TMC2: variants seen among roughly 807,000 people sequenced by gnomAD.
TMC2 encodes the protein transmembrane channel-like protein 2.
Under a neutral mutation model 105.9 loss-of-function variants are expected in TMC2, and 102 were observed. That is an observed-to-expected ratio of 0.96 (90% CI 0.82 to 1.14). The LOEUF (loss-of-function observed/expected upper bound fraction) is 1.14. TMC2 is among the 50% of genes most tolerant of loss of function. The pLI is 0.00. For missense variants in TMC2, 1,093 were observed against 1,134.3 expected (o/e 0.96, Z 0.52); for synonymous variants, 402 against 422.8 (o/e 0.95, Z 0.60).
chr20:2,583,750 A>G (rs967014619), intron 7 of TMC2, among the ~76,000 whole-genome samples: 20 of 152,008 alleles, frequency 1.3e-4, no homozygotes, highest in Non-Finnish European at 2.9e-5. Flanking sequence ...ATGAGCCACC[A>G]TGCTCAGCCT....
At position 2,549,203 on chromosome 20, in the gene TMC2, T is replaced by G. The variant is rs2085942245; in HGVS notation, c.83-9253T>G. ...CCCAAGTAGCTAGTACTATCGGCACTTACCACTATCCTGGCTAAATTTTTA... is the reference window on the plus strand; with the variant it reads ...CCCAAGTAGCTAGTACTATCGGCACGTACCACTATCCTGGCTAAATTTTTA... On this transcript the variant is annotated intron_variant, in intron 2 of 19. Coordinates refer to ENST00000358864, the MANE Select transcript of TMC2 (RefSeq NM_080751.3). 2.0e-5 allele frequency among the ~76,000 whole-genome samples: 3 copies of G among 152,194 alleles called. No individual in the cohort carries two copies. The South Asian group carries it at 6.2e-4, about 31-fold the overall frequency.
intron 17 of TMC2, among the ~76,000 whole-genome samples, chr20:2,631,128 ATAAT>A (rs1480784128): frequency 4.8e-5 from 3 of 62,886 alleles, no homozygotes; most frequent in Non-Finnish European, 6.8e-5. Flanking sequence ...CCTGGAGATT[ATAAT>A]TAATATAACA....
At chr20:2,612,684 T>C (rs2086450071) in intron 13 of TMC2, among the ~76,000 whole-genome samples, 1 of 152,170 alleles carries the variant, frequency 6.6e-6, no homozygotes, top group Admixed American at 6.5e-5. Context: ...CCTGTTTTAT[T>C]TTCTCTATAT....
At chr20:2,562,609 T>G (rs1016538274) in intron 4 of TMC2, among the ~76,000 whole-genome samples, 2 of 152,228 alleles carry the variant, frequency 1.3e-5, no homozygotes, top group African/African-American at 4.8e-5. Context: ...TTGGTTTCCA[T>G]GCAAAAGGCT....
At chr20:2,548,177 C>T (rs1014483387) in intron 2 of TMC2, among the ~76,000 whole-genome samples, 9 of 152,236 alleles carry the variant, frequency 5.9e-5, no homozygotes, top group Admixed American at 2.6e-4. Context: ...ACACAACTTT[C>T]GACAAACACA....
intron 2 of TMC2, among the ~76,000 whole-genome samples, chr20:2,545,477 G>T (rs939647757): frequency 3.9e-5 from 6 of 152,180 alleles, no homozygotes; most frequent in African/African-American, 1.4e-4. Flanking sequence ...TAGTTTGTGA[G>T]TAATAGGAGG....
chr20:2,539,119 A>C (rs1328928176), intron 2 of TMC2, among the ~76,000 whole-genome samples: 1 of 152,216 alleles, frequency 6.6e-6, no homozygotes, highest in Non-Finnish European at 1.5e-5. Flanking sequence ...TCTCTGACCG[A>C]GTCAGGTGCT....
At chr20:2,552,643 G>T (rs1260228865) in intron 2 of TMC2, among the ~76,000 whole-genome samples, 1 of 152,080 alleles carries the variant, frequency 6.6e-6, no homozygotes, top group Non-Finnish European at 1.5e-5. Flanking sequence ...AGTCTCTGAC[G>T]TAGCTGGGAA....
At chr20:2,575,614 G>T (rs1428509431) in intron 5 of TMC2, among the ~76,000 whole-genome samples, 1 of 152,094 alleles carries the variant, frequency 6.6e-6, no homozygotes, top group Non-Finnish European at 1.5e-5. Flanking sequence ...TGTACAGCAG[G>T]TCTCTAGACA....
intron 2 of TMC2, among the ~76,000 whole-genome samples, chr20:2,556,765 A>G (rs750365210): frequency 5.3e-5 from 8 of 152,186 alleles, no homozygotes; most frequent in Non-Finnish European, 1.5e-5. Context: ...CTTTTTTTGC[A>G]AGGCAGGTCT....
At chr20:2,603,142 A>C (rs1019177350) in intron 11 of TMC2, among the ~76,000 whole-genome samples, 4 of 152,130 alleles carry the variant, frequency 2.6e-5, no homozygotes, top group Admixed American at 6.6e-5. Flanking sequence ...GCCAATAGCC[A>C]GTAAACCACC....
intron 2 of TMC2, among the ~76,000 whole-genome samples, chr20:2,554,601 T>C (rs527889483): frequency 6.6e-6 from 1 of 152,370 alleles, no homozygotes; most frequent in African/African-American, 2.4e-5. Context: ...TAAGCACTGC[T>C]TTTGCTGCAT....
chr20:2,570,056 C>T (rs1245864361), intron 4 of TMC2, among the ~76,000 whole-genome samples: 1 of 152,096 alleles, frequency 6.6e-6, no homozygotes, highest in African/African-American at 2.4e-5. Flanking sequence ...GGAAGAATTT[C>T]CCTTAAGAAC....
At chr20:2,634,872 C>T (rs553134652) in intron 17 of TMC2, among the ~76,000 whole-genome samples, 7 of 152,270 alleles carry the variant, frequency 4.6e-5, no homozygotes, top group Admixed American at 3.9e-4. Flanking sequence ...CTTCAGAAGG[C>T]TCACTTGACA....
At chr20:2,601,005 A>G (rs866417488) in intron 10 of TMC2, among the ~76,000 whole-genome samples, 127 of 140,078 alleles carry the variant, frequency 9.1e-4, no homozygotes, top group Middle Eastern at 3.5e-3. Flanking sequence ...AAAAAAAAAA[A>G]GAAAAAAAAG....
chr20:2,597,303 TC>T lies in TMC2; in HGVS notation c.1224+6del, dbSNP rs1345293675. Reference sequence around the variant, plus strand: ...TCCATCACCACCAGCTTCAAGGTAGTCACCCCAGGGCAGTTCCCACTTCCGG... The same window carrying T: ...TCCATCACCACCAGCTTCAAGGTAGTACCCCAGGGCAGTTCCCACTTCCGG... On this transcript the variant is annotated splice_donor_region_variant and intron_variant, in intron 10 of 19. Transcript: ENST00000358864. 6.2e-7 allele frequency: 1 copy of T among 1,613,514 alleles called. No individual in the cohort carries two copies. The highest frequency in any genetic ancestry group is 8.5e-7 in the Non-Finnish European group (1 of 1,179,650).
chr20:2,608,474 C>T (rs1053465699), intron 11 of TMC2, among the ~76,000 whole-genome samples: 4 of 151,916 alleles, frequency 2.6e-5, no homozygotes, highest in African/African-American at 7.3e-5. Context: ...ACTACAGGCA[C>T]GCACCACCAC....
At chr20:2,635,236 G>A (rs910273) in intron 17 of TMC2, among the ~76,000 whole-genome samples, 115,139 of 151,996 alleles carry the variant, frequency 0.76, 43,743 homozygotes, top group East Asian at 0.87. Flanking sequence ...GCCAATGGGG[G>A]CTGGACTCTA....
chr20:2,565,171 A>C (rs1018172503), intron 4 of TMC2, among the ~76,000 whole-genome samples: 1 of 152,104 alleles, frequency 6.6e-6, no homozygotes, highest in Non-Finnish European at 1.5e-5. Context: ...ATTTACTATC[A>C]ATTCCTTTTT....
Sources: allele counts gnomAD v4.1 joint callset (sites outside exome capture counted in the v4.1 genomes callset), GRCh38; gene constraint gnomAD v4.1.1; transcripts MANE v1.5; gene names NCBI Gene and HGNC (gene_info 2026-07-23, HGNC 2026-07-21).